The following BMPR1A variants were observed in gnomAD, a reference collection of about 807,000 sequenced individuals.
BMPR1A encodes bone morphogenetic protein receptor type 1A.
In BMPR1A, 7 loss-of-function variants were observed where a neutral mutation model predicts 66.0. The observed-to-expected ratio is 0.11, with a 90% CI of 0.06 to 0.20. BMPR1A has a LOEUF of 0.20. BMPR1A is among the 10% of genes least tolerant of loss of function. The pLI is 1.00. For missense variants in BMPR1A, 408 were observed against 669.1 expected, an observed-to-expected ratio of 0.61 and a Z score of 4.31; for synonymous variants, 200 against 229.7, an observed-to-expected ratio of 0.87 and a Z score of 1.17.
chr10:86,762,376 T>G (rs1049539356), intron 1 of BMPR1A, among the ~76,000 whole-genome samples: 1 of 152,348 alleles, frequency 6.6e-6, no homozygotes, highest in East Asian at 1.9e-4. Flanking sequence ...TCTTTCTTTT[T>G]GAGACGGAGT....
chr10:86,914,819 G>A (rs75821357), intron 8 of BMPR1A, among the ~76,000 whole-genome samples: 1,870 of 152,210 alleles, frequency 0.012, 34 homozygotes, highest in African/African-American at 0.041. Context: ...AAAGTTAAGG[G>A]CATACTTTCC....
intron 1 of BMPR1A, among the ~76,000 whole-genome samples, chr10:86,760,256 T>C (rs1311549866): frequency 4.3e-5 from 5 of 116,194 alleles, no homozygotes; most frequent in Admixed American, 8.4e-5. Context: ...TTCTTTTTTT[T>C]TTTTTTTTTT....
intron 2 of BMPR1A, among the ~76,000 whole-genome samples, chr10:86,873,528 A>G (rs952570038): frequency 1.3e-5 from 2 of 152,102 alleles, no homozygotes; most frequent in Non-Finnish European, 2.9e-5. Context: ...CAAGGGAGGC[A>G]GGACCAAAGC....
At chr10:86,891,832 A>C (rs1296915113) in intron 4 of BMPR1A, among the ~76,000 whole-genome samples, 1 of 152,254 alleles carries the variant, frequency 6.6e-6, no homozygotes, top group Admixed American at 6.5e-5. Flanking sequence ...TTCTGTGATC[A>C]CATGACTGAT....
In BMPR1A at chr10:86,875,255, C is replaced by T. The variant is rs557170478; in HGVS notation, c.-152-612C>T. 2.0e-3 allele frequency among the ~76,000 whole-genome samples: 304 copies of T among 151,944 alleles called. 2 individuals are homozygous for T. The highest frequency in any genetic ancestry group is 6.9e-3 in the African/African-American group (288 of 41,464). On this transcript the variant is annotated intron_variant, in intron 2 of 12. Coordinates refer to ENST00000372037, the MANE Select transcript of BMPR1A (RefSeq NM_004329.3). ...GAGTGTGGTGGTGCACACCTGTAAT[C>T]CCAGCTACTCAGAAGGCTGAGGCAG...
At chr10:86,873,914 A>G (rs1008995822) in intron 2 of BMPR1A, among the ~76,000 whole-genome samples, 4 of 152,244 alleles carry the variant, frequency 2.6e-5, no homozygotes, top group African/African-American at 4.8e-5. Flanking sequence ...ACTAAGCTAC[A>G]TATAACATAC....
chr10:86,895,408 C>T (rs563020242), intron 5 of BMPR1A, among the ~76,000 whole-genome samples: 4 of 151,986 alleles, frequency 2.6e-5, no homozygotes, highest in African/African-American at 4.8e-5. Flanking sequence ...CGTGGTGGTG[C>T]GTGCCTTTAA....
intron 1 of BMPR1A, among the ~76,000 whole-genome samples, chr10:86,835,520 C>T (rs1194438193): frequency 8.6e-6 from 1 of 116,244 alleles, no homozygotes; most frequent in Non-Finnish European, 1.6e-5. Flanking sequence ...CACTGTACTC[C>T]AGCCTGGGTG....
chr10:86,892,286 C>T (rs1008321903), intron 5 of BMPR1A, 57 bp downstream of exon 5: 32 of 1,391,946 alleles, frequency 2.3e-5, no homozygotes, highest in African/African-American at 1.1e-4. Flanking sequence ...ATGAAAGCAT[C>T]GATTTCCCCC....
In BMPR1A at chr10:86,800,337, G is replaced by A. The variant is rs1489595182; in HGVS notation, c.-267-38528G>A. Among the ~76,000 whole-genome samples, 3 of 152,126 alleles carry A rather than the reference G, an allele frequency of 2.0e-5. No individual in the cohort carries two copies. The East Asian group carries it at 5.8e-4, about 29-fold the overall frequency. On this transcript the variant is annotated intron_variant, in intron 1 of 12. Transcript: ENST00000372037. Reference sequence around the variant, plus strand: ...TTCTTCATATAGTGAGCCGAGGGGGGAGTGATAGTCTCATGTTCCTATCAA... The same window carrying A: ...TTCTTCATATAGTGAGCCGAGGGGGAAGTGATAGTCTCATGTTCCTATCAA...
chr10:86,822,401 A>C (rs535101233), intron 1 of BMPR1A, among the ~76,000 whole-genome samples: 1 of 152,316 alleles, frequency 6.6e-6, no homozygotes, highest in South Asian at 2.1e-4. Context: ...TAAAGGGCAC[A>C]CACTTCAATG....
At chr10:86,821,592 C>G (rs761358059) in intron 1 of BMPR1A, among the ~76,000 whole-genome samples, 3 of 152,082 alleles carry the variant, frequency 2.0e-5, no homozygotes, top group African/African-American at 4.8e-5. Context: ...CAAGGCTGTA[C>G]AGGAGACCAT....
chr10:86,835,548 TCA>T (rs1491514937), intron 1 of BMPR1A, among the ~76,000 whole-genome samples: 4 of 11,282 alleles, frequency 3.5e-4, no homozygotes, highest in Non-Finnish European at 4.7e-4. Flanking sequence ...AGACTCTGTA[TCA>T]AAAAAAAAAA....
chr10:86,876,729 A>G (rs894786587), intron 3 of BMPR1A, among the ~76,000 whole-genome samples: 2 of 152,164 alleles, frequency 1.3e-5, no homozygotes, highest in Non-Finnish European at 2.9e-5. Flanking sequence ...CTGAGATCGC[A>G]CCAATGCACT....
chr10:86,912,037 A>G (rs537795859), intron 7 of BMPR1A, among the ~76,000 whole-genome samples: 1 of 152,276 alleles, frequency 6.6e-6, no homozygotes, highest in African/African-American at 2.4e-5. Context: ...TACACTATAG[A>G]CATCTTTCTG....
At chr10:86,827,267 A>C (rs1443956587) in intron 1 of BMPR1A, among the ~76,000 whole-genome samples, 1 of 151,848 alleles carries the variant, frequency 6.6e-6, no homozygotes, top group Non-Finnish European at 1.5e-5. Flanking sequence ...TACATATGGA[A>C]TTATTCTGTA....
intron 1 of BMPR1A, among the ~76,000 whole-genome samples, chr10:86,836,662 G>A (rs1842351917): frequency 2.0e-5 from 3 of 152,150 alleles, no homozygotes; most frequent in African/African-American, 4.8e-5. Flanking sequence ...ACCTGGCATG[G>A]TAGTGTTCGC....
At chr10:86,784,166 C>G (rs946388129) in intron 1 of BMPR1A, among the ~76,000 whole-genome samples, 1 of 152,012 alleles carries the variant, frequency 6.6e-6, no homozygotes, top group African/African-American at 2.4e-5. Context: ...AGTGGACTTC[C>G]TAGTCTTGTT....
intron 1 of BMPR1A, among the ~76,000 whole-genome samples, chr10:86,801,801 C>T (rs940744491): frequency 2.6e-5 from 4 of 152,172 alleles, no homozygotes; most frequent in African/African-American, 9.6e-5. Flanking sequence ...CAAGCTCTGC[C>T]TCCCGGGTTC....
Sources: allele counts gnomAD v4.1 joint callset (sites outside exome capture counted in the v4.1 genomes callset), GRCh38; gene constraint gnomAD v4.1.1; transcripts MANE v1.5; gene names NCBI Gene and HGNC (gene_info 2026-07-23, HGNC 2026-07-21).